Variants in POLR2F observed in about 807,000 individuals in gnomAD.
The protein encoded by POLR2F is RNA polymerase II, I and III subunit F.
Under a neutral mutation model 22.7 loss-of-function variants are expected in POLR2F, and 12 were observed. The observed-to-expected ratio is 0.53, with a 90% CI of 0.34 to 0.86. The LOEUF (loss-of-function observed/expected upper bound fraction) is 0.86. Ranked by LOEUF, POLR2F falls within the 40% of genes least tolerant of loss-of-function variation. The pLI, the probability that POLR2F is intolerant of heterozygous loss-of-function variation, is 0.02. For synonymous variants in POLR2F, 57 were observed against 66.0 expected (o/e 0.86, Z 0.66); for missense variants, 126 against 171.5 (o/e 0.73, Z 1.48).
intron 1 of POLR2F, among the ~76,000 whole-genome samples, chr22:38,023,962 C>T (rs1010194598): frequency 3.3e-5 from 5 of 151,992 alleles, no homozygotes; most frequent in Admixed American, 6.6e-5. Flanking sequence ...CTGCCTCAGC[C>T]TCCCGAGTAG....
intron 3 of POLR2F, among the ~76,000 whole-genome samples, chr22:37,959,747 C>T (rs1398291779): frequency 2.7e-5 from 4 of 147,454 alleles, no homozygotes; most frequent in Non-Finnish European, 6.0e-5. Flanking sequence ...TAGATGGTTG[C>T]GTGTCAGATT....
downstream of POLR2F, among the ~76,000 whole-genome samples, chr22:37,971,941 G>A (rs535743194): frequency 6.6e-6 from 1 of 151,974 alleles, no homozygotes; most frequent in East Asian, 1.9e-4. Flanking sequence ...GTTCCCATCT[G>A]AGGCTTCAGT....
At chr22:37,975,397 G>T (rs1013103159) in intron 4 of POLR2F, among the ~76,000 whole-genome samples, 4 of 152,192 alleles carry the variant, frequency 2.6e-5, no homozygotes, top group African/African-American at 7.2e-5. Context: ...GTGGGGTGGG[G>T]CCTTGAAGGG....
chr22:37,961,426 G>A (rs566859670), intron 3 of POLR2F, among the ~76,000 whole-genome samples: 1 of 152,294 alleles, frequency 6.6e-6, no homozygotes, highest in East Asian at 1.9e-4. Flanking sequence ...CCTCCAGCTT[G>A]AAAGCACGCT....
intron 5 of POLR2F, chr22:38,040,212 G>A (rs931069533): frequency 6.9e-6 from 1 of 145,234 alleles, no homozygotes; most frequent in African/African-American, 2.6e-5. Context: ...TTGAACCTGT[G>A]AGGTCAAAGC....
chr22:38,023,429 C>CT (rs150842998), intron 1 of POLR2F, among the ~76,000 whole-genome samples: 1,642 of 148,334 alleles, frequency 0.011, 34 homozygotes, highest in African/African-American at 0.037. Context: ...GGACTCGTGC[C>CT]TTTTTTTTTT....
intron 3 of POLR2F, among the ~76,000 whole-genome samples, chr22:37,963,213 ACTC>A (rs1569163705): frequency 6.9e-6 from 1 of 144,648 alleles, no homozygotes; most frequent in Non-Finnish European, 1.5e-5. Flanking sequence ...CTGGTCTTGA[ACTC>A]CTGATCTCAG....
chr22:37,955,675 C>A (rs774281531), intron 1 of POLR2F, among the ~76,000 whole-genome samples: 12 of 151,930 alleles, frequency 7.9e-5, no homozygotes, highest in South Asian at 2.1e-4. Flanking sequence ...TTTACTTCTT[C>A]TTCTTATTAT....
intron 1 of POLR2F, among the ~76,000 whole-genome samples, chr22:38,005,947 A>G (rs2084817333): frequency 6.6e-6 from 1 of 152,240 alleles, no homozygotes; most frequent in Admixed American, 6.5e-5. Flanking sequence ...CTTGGGCCAG[A>G]TGTGGTGGCT....
rs1295311295 is a variant in POLR2F, at chr22:37,980,050, C to G, written c.293+12880C>G. ...CGGCTTAGCCTCCCTGTCTACTCCC[C>G]CCACCCCGGCCCTGAGCCCAGCCCT... On this transcript the variant is annotated intron_variant, in intron 4 of 4. Transcript: ENST00000405557. This position sits in a 1 kb window ranked among gnomAD's most constrained non-coding sequence, Gnocchi z 4.1. Among the ~76,000 whole-genome samples, 2 of 152,170 alleles carry G rather than the reference C, an allele frequency of 1.3e-5. No individual in the cohort carries two copies. Among genetic ancestry groups the G allele is most frequent in the East Asian group, 3.9e-4 (2 of 5,192 alleles).
In POLR2F at chr22:37,956,836, C is replaced by T. The variant is rs1295477276; in HGVS notation, c.84C>T (p.Ala28=). 13 of 1,612,904 alleles carry T rather than the reference C, an allele frequency of 8.1e-6. No homozygotes were observed. Among genetic ancestry groups the T allele is most frequent in the East Asian group, 2.2e-5 (1 of 44,896 alleles). Residue 28 remains alanine (A), a synonymous_variant, in exon 2 of 5, where the codon GCC becomes GCT. Coordinates refer to ENST00000442738, the MANE Select transcript of POLR2F (RefSeq NM_021974.5). ...EDEGLDDLEN[A]EEEGQENVEI... The stretch of plus-strand genomic sequence containing the variant: ...AAGGGCTAGATGACTTGGAGAATGC[C>T]GAAGAGGTCAGTATTCAGCCTCAGG...
intron 3 of POLR2F, among the ~76,000 whole-genome samples, chr22:37,960,171 G>A (rs918443222): frequency 1.3e-5 from 2 of 151,818 alleles, no homozygotes; most frequent in African/African-American, 2.4e-5. Context: ...TGGAGCACAG[G>A]GGCCTGATCA....
intron 1 of POLR2F, among the ~76,000 whole-genome samples, chr22:38,005,746 C>T (rs915517180): frequency 1.3e-5 from 2 of 152,222 alleles, no homozygotes; most frequent in African/African-American, 2.4e-5. Flanking sequence ...AGAGTGGGAC[C>T]TCCTTGCGCT....
intron 1 of POLR2F, among the ~76,000 whole-genome samples, chr22:38,006,411 C>G (rs1195148652): frequency 1.3e-5 from 2 of 152,120 alleles, no homozygotes; most frequent in African/African-American, 4.8e-5. Context: ...CACAGCCACC[C>G]AGCCCATAGC....
At chr22:37,996,329 C>T (rs1415943246) in intron 1 of POLR2F, among the ~76,000 whole-genome samples, 3 of 152,196 alleles carry the variant, frequency 2.0e-5, no homozygotes, top group East Asian at 3.9e-4. Context: ...AGGAAGCACC[C>T]GGGTCTTCCC....
intron 5 of POLR2F, among the ~76,000 whole-genome samples, chr22:38,037,248 C>G (rs1047612432): frequency 1.3e-5 from 2 of 149,392 alleles, no homozygotes; most frequent in Admixed American, 1.3e-4. Flanking sequence ...AATGAGCAAC[C>G]TTATGTTATG....
At chr22:37,994,448 A>T (rs1404777165) in intron 1 of POLR2F, among the ~76,000 whole-genome samples, 1 of 152,110 alleles carries the variant, frequency 6.6e-6, no homozygotes, top group Non-Finnish European at 1.5e-5. Context: ...CCCGGGCTTA[A>T]TCGATCCCCC....
chr22:37,970,996 A>T (rs538176019), downstream of POLR2F: 388 of 283,658 alleles, frequency 1.4e-3, 3 homozygotes, highest in African/African-American at 8.1e-3. Flanking sequence ...AGCTTCCATG[A>T]TGCAGGTCCT....
At chr22:37,991,519 C>G (rs1157218609) in intron 1 of POLR2F, among the ~76,000 whole-genome samples, 1 of 152,202 alleles carries the variant, frequency 6.6e-6, no homozygotes, top group Non-Finnish European at 1.5e-5. Flanking sequence ...AAAAACTGCT[C>G]TTTAAAATAT....
Sources: gnomAD v4.1 joint callset for allele counts (sites outside exome capture counted in the v4.1 genomes callset) on GRCh38, gnomAD v4.1.1 for gene constraint, Gnocchi (gnomAD v3.1) non-coding constraint, MANE v1.5 for transcripts, NCBI Gene and HGNC (gene_info 2026-07-23, HGNC 2026-07-21) for gene names.